NRXN3: variants seen among roughly 807,000 people sequenced by gnomAD.
The protein encoded by NRXN3 is neurexin III.
In NRXN3, 32 loss-of-function variants were observed where a neutral mutation model predicts 137.6. The observed-to-expected ratio is 0.23, with a 90% CI of 0.18 to 0.31. The LOEUF is 0.31. NRXN3 is among the 10% of genes least tolerant of loss of function. NRXN3 has a pLI of 1.00. For missense variants in NRXN3, 1,574 were observed against 2,062.5 expected (o/e 0.76, Z 4.59); for synonymous variants, 798 against 784.5 (o/e 1.02, Z -0.29).
chr14:79,198,958 A>C (rs111508936), intron 15 of NRXN3, among the ~76,000 whole-genome samples: 5,409 of 152,272 alleles, frequency 0.036, 229 homozygotes, highest in East Asian at 0.21. Flanking sequence ...CGAAGTCAGG[A>C]GATGGAGACC....
At position 78,918,142 on chromosome 14, in the gene NRXN3, G is replaced by A. The variant is rs1486946847; in HGVS notation, c.2276-39100G>A. On this transcript the variant is annotated intron_variant, in intron 10 of 20. Transcript: ENST00000335750. ...CTCTACTAAAAATACAAAATTAGCC[G>A]GGCGTGGTGGCGCATGCCCGTAATC... is the stretch of plus-strand genomic sequence containing the variant. Among the ~76,000 whole-genome samples, 4 of 151,462 alleles carry A rather than the reference G, an allele frequency of 2.6e-5. No individual in the cohort carries two copies. The South Asian group carries it at 6.3e-4, about 24-fold the overall frequency.
intron 11 of NRXN3, among the ~76,000 whole-genome samples, chr14:78,958,939 A>T (rs1335609979): frequency 1.3e-5 from 2 of 152,280 alleles, no homozygotes; most frequent in East Asian, 3.9e-4. Context: ...AATCATTGCC[A>T]CTAAAATATT....
intron 16 of NRXN3, among the ~76,000 whole-genome samples, chr14:79,652,258 A>T (rs1425036848): frequency 6.6e-6 from 1 of 152,200 alleles, no homozygotes; most frequent in Admixed American, 6.6e-5. Flanking sequence ...AGCCTCTTGA[A>T]TGACATCATT....
intron 15 of NRXN3, among the ~76,000 whole-genome samples, chr14:79,387,118 A>G (rs1011560731): frequency 1.3e-5 from 2 of 151,822 alleles, no homozygotes; most frequent in Non-Finnish European, 2.9e-5. Flanking sequence ...TAATTAAACT[A>G]AAGAGCTTCT....
chr14:79,474,680 A>C (rs1782216000), intron 16 of NRXN3, among the ~76,000 whole-genome samples: 1 of 152,066 alleles, frequency 6.6e-6, no homozygotes, highest in African/African-American at 2.4e-5. Flanking sequence ...TATTCTCTTT[A>C]GTATAAGCTT....
intron 6 of NRXN3, among the ~76,000 whole-genome samples, chr14:78,670,377 G>A (rs753488660): frequency 6.6e-6 from 1 of 152,048 alleles, no homozygotes; most frequent in Non-Finnish European, 1.5e-5. Flanking sequence ...TATATTGGCC[G>A]GCTTCTTTAC....
intron 16 of NRXN3, among the ~76,000 whole-genome samples, chr14:79,616,956 C>A (rs1028087463): frequency 2.0e-5 from 3 of 152,176 alleles, no homozygotes; most frequent in African/African-American, 2.4e-5. Flanking sequence ...TAGTAGCCGA[C>A]CTCTTCCTTC....
chr14:79,075,141 G>A (rs1011747476), intron 15 of NRXN3, among the ~76,000 whole-genome samples: 22 of 152,098 alleles, frequency 1.4e-4, no homozygotes, highest in African/African-American at 4.6e-4. Context: ...TTCATTTGCC[G>A]TGTAATCTTT....
intron 4 of NRXN3, among the ~76,000 whole-genome samples, chr14:78,493,507 T>C (rs534902850): frequency 1.1e-4 from 17 of 149,052 alleles, no homozygotes; most frequent in African/African-American, 4.0e-4. Context: ...TAGGCAACAA[T>C]CGTGAAACTC....
intron 4 of NRXN3, among the ~76,000 whole-genome samples, chr14:78,316,617 C>G (rs569984438): frequency 1.3e-5 from 2 of 152,132 alleles, no homozygotes; most frequent in African/African-American, 4.8e-5. Flanking sequence ...GTGAGACATT[C>G]CCTTTCTTCC....
At chr14:79,338,218 A>AGTGTGT (rs56816357) in intron 15 of NRXN3, among the ~76,000 whole-genome samples, 50 of 141,252 alleles carry the variant, frequency 3.5e-4, no homozygotes, top group East Asian at 6.5e-4. Context: ...TGTGTATGTG[A>AGTGTGT]GTGTGTGTGT....
intron 14 of NRXN3, among the ~76,000 whole-genome samples, chr14:78,973,108 A>C (rs2099449477): frequency 6.6e-6 from 1 of 152,202 alleles, no homozygotes; most frequent in East Asian, 1.9e-4. Flanking sequence ...TATCAAGAGG[A>C]GACCTCATGG....
intron 15 of NRXN3, among the ~76,000 whole-genome samples, chr14:79,311,053 T>C (rs1308160160): frequency 1.7e-5 from 2 of 119,812 alleles, no homozygotes; most frequent in African/African-American, 7.9e-5. Flanking sequence ...CCATTCAGTA[T>C]GATATTGGCT....
intron 16 of NRXN3, among the ~76,000 whole-genome samples, chr14:79,541,550 C>T (rs1266559561): frequency 6.6e-6 from 1 of 152,068 alleles, no homozygotes; most frequent in African/African-American, 2.4e-5. Context: ...TTTGGGGAGA[C>T]ACTATTTAAC....
At chr14:79,717,658 T>C (rs2154058469) in intron 19 of NRXN3, among the ~76,000 whole-genome samples, 1 of 152,330 alleles carries the variant, frequency 6.6e-6, no homozygotes, top group Middle Eastern at 3.4e-3. Context: ...CCGTGGGCTC[T>C]TTAGAAGAAT....
At chr14:79,248,402 C>T (rs539438986) in intron 15 of NRXN3, among the ~76,000 whole-genome samples, 157 of 152,232 alleles carry the variant, frequency 1.0e-3, no homozygotes, top group African/African-American at 3.7e-3. Flanking sequence ...TCTAGCTGTT[C>T]TCTCTTCCCT....
intron 4 of NRXN3, among the ~76,000 whole-genome samples, chr14:78,345,330 C>T (rs1256120049): frequency 2.6e-5 from 4 of 152,182 alleles, no homozygotes; most frequent in African/African-American, 4.8e-5. Flanking sequence ...TAATAACAGA[C>T]TCCCTGCTAA....
intron 15 of NRXN3, among the ~76,000 whole-genome samples, chr14:79,070,661 A>G (rs1461757556): frequency 6.6e-6 from 1 of 152,174 alleles, no homozygotes; most frequent in African/African-American, 2.4e-5. Context: ...ATTATTCTAT[A>G]TTTGAATATC....
intron 10 of NRXN3, among the ~76,000 whole-genome samples, chr14:78,924,492 G>A (rs1597433860): frequency 6.6e-6 from 1 of 152,238 alleles, no homozygotes; most frequent in East Asian, 1.9e-4. Context: ...TTACTACAGA[G>A]CCTCAGGATT....
Sources: allele counts gnomAD v4.1 joint callset (sites outside exome capture counted in the v4.1 genomes callset), GRCh38; gene constraint gnomAD v4.1.1; transcripts MANE v1.5; gene names NCBI Gene and HGNC (gene_info 2026-07-23, HGNC 2026-07-21).